The following LOC400499 variants were observed in gnomAD, a reference collection of about 807,000 sequenced individuals.
the LOC400499 span, among the ~76,000 whole-genome samples, chr16:11,501,137 C>T: frequency 7.2e-5 from 11 of 152,144 alleles, no homozygotes; most frequent in Admixed American, 2.0e-4. Context: ...GGCTGAGGCC[C>T]GTGCTCTCAG....
At chr16:11,448,547 C>CG in the LOC400499 span, among the ~76,000 whole-genome samples, 2 of 144,202 alleles carry the variant, frequency 1.4e-5, no homozygotes, top group African/African-American at 2.8e-5. Context: ...AACAAACAAA[C>CG]AAACAAACAA....
chr16:11,397,810 G>A, the LOC400499 span, among the ~76,000 whole-genome samples: 2 of 150,984 alleles, frequency 1.3e-5, no homozygotes, highest in South Asian at 2.1e-4. Flanking sequence ...ATGGACGGAC[G>A]GATGAATGGA....
At chr16:11,449,161 C>T in the LOC400499 span, 1 of 1,316,526 alleles carries the variant, frequency 7.6e-7, no homozygotes, top group South Asian at 2.0e-5. Flanking sequence ...ATTTCCTCCA[C>T]CTGGGATACC....
At chr16:11,471,820 G>A in the LOC400499 span, 22 of 399,106 alleles carry the variant, frequency 5.5e-5, no homozygotes, top group Non-Finnish European at 8.8e-5. Flanking sequence ...GTAGGACACT[G>A]CAGAGAGAGG....
At chr16:11,409,277 A>C in the LOC400499 span, among the ~76,000 whole-genome samples, 1 of 152,034 alleles carries the variant, frequency 6.6e-6, no homozygotes, top group Non-Finnish European at 1.5e-5. Context: ...AGAAAAAATA[A>C]ATAAAAAAAT....
chr16:11,493,181 G>A, the LOC400499 span, among the ~76,000 whole-genome samples: 1 of 152,130 alleles, frequency 6.6e-6, no homozygotes, highest in Non-Finnish European at 1.5e-5. Context: ...GGGAGGTAGT[G>A]GTCCAGGGAT....
chr16:11,486,305 C>G, the LOC400499 span, among the ~76,000 whole-genome samples: 4 of 109,150 alleles, frequency 3.7e-5, no homozygotes, highest in Non-Finnish European at 7.1e-5. Context: ...ATGAATGGTA[C>G]ATGGGTAGAC....
At chr16:11,520,020 A>T in the LOC400499 span, among the ~76,000 whole-genome samples, 1 of 152,116 alleles carries the variant, frequency 6.6e-6, no homozygotes, top group African/African-American at 2.4e-5. Flanking sequence ...GTCCACTTAT[A>T]TGAGGTACCT....
At chr16:11,456,120 C>G in the LOC400499 span, among the ~76,000 whole-genome samples, 3 of 151,252 alleles carry the variant, frequency 2.0e-5, no homozygotes, top group Non-Finnish European at 4.4e-5. Flanking sequence ...TCTCTGCTCA[C>G]CGAAACCTCC....
the LOC400499 span, chr16:11,465,434 A>G: frequency 6.6e-6 from 1 of 152,174 alleles, no homozygotes; most frequent in African/African-American, 2.4e-5. Context: ...AAAAGTGGAT[A>G]GAAGTTTTCA....
chr16:11,387,500 G>A, the LOC400499 span, among the ~76,000 whole-genome samples: 1 of 152,198 alleles, frequency 6.6e-6, no homozygotes, highest in Non-Finnish European at 1.5e-5. Context: ...GGTGGTAGAT[G>A]ATGGCTGGGG....
chr16:11,461,788 C>T, the LOC400499 span, among the ~76,000 whole-genome samples: 2 of 152,156 alleles, frequency 1.3e-5, no homozygotes, highest in African/African-American at 4.8e-5. Context: ...CACACCCAGG[C>T]GCCACTACCC....
chr16:11,380,922 C>G, the LOC400499 span: 1 of 158,174 alleles, frequency 6.3e-6, no homozygotes, highest in East Asian at 1.9e-4. Flanking sequence ...GTTGTCTCAT[C>G]GAGTCCAAGG....
the LOC400499 span, among the ~76,000 whole-genome samples, chr16:11,433,306 C>T: frequency 3.3e-5 from 5 of 152,152 alleles, no homozygotes; most frequent in Non-Finnish European, 5.9e-5. Context: ...GATGGACAGA[C>T]AGCTGTGGTG....
chr16:11,422,246 CA>C, the LOC400499 span, among the ~76,000 whole-genome samples: 10 of 152,090 alleles, frequency 6.6e-5, no homozygotes, highest in Non-Finnish European at 1.2e-4. Context: ...ACTAAAAATA[CA>C]AAAATTTAGC....
At chr16:11,396,405 G>T in the LOC400499 span, 8 of 1,093,208 alleles carry the variant, frequency 7.3e-6, no homozygotes, top group Admixed American at 4.2e-5. Flanking sequence ...ATAGCCACTA[G>T]ATGGCGGGGC....
the LOC400499 span, among the ~76,000 whole-genome samples, chr16:11,509,959 G>C: frequency 6.6e-5 from 10 of 152,022 alleles, no homozygotes; most frequent in East Asian, 1.3e-3. Context: ...CCTCTGGAGA[G>C]GGGGGACTCA....
At chr16:11,465,314 A>G in the LOC400499 span, 2 of 152,132 alleles carry the variant, frequency 1.3e-5, no homozygotes, top group Non-Finnish European at 1.5e-5. Context: ...TTTAACAGAG[A>G]CAGGGTTTCA....
At chr16:11,449,820 A>G in the LOC400499 span, among the ~76,000 whole-genome samples, 3 of 149,960 alleles carry the variant, frequency 2.0e-5, no homozygotes, top group Non-Finnish European at 4.5e-5. Context: ...CCTTTCCTTC[A>G]CTCCTTCCCC....
Sources: allele counts gnomAD v4.1 joint callset (sites outside exome capture counted in the v4.1 genomes callset), GRCh38; gene constraint gnomAD v4.1.1; transcripts MANE v1.5.